The following POFUT3 variants were observed in gnomAD, a reference collection of about 807,000 sequenced individuals.
POFUT3 encodes protein O-fucosyltransferase 3, also known as GDP-fucose protein O-fucosyltransferase 3.
At chr8:33,379,834 T>TCTAC in the POFUT3 span, among the ~76,000 whole-genome samples, 1 of 71,076 alleles carries the variant, frequency 1.4e-5, no homozygotes, top group Non-Finnish European at 2.4e-5. Context: ...AGACTCTGTC[T>TCTAC]AAAAAAAAAA....
chr8:33,310,486 A>C, the POFUT3 span, among the ~76,000 whole-genome samples: 1 of 151,972 alleles, frequency 6.6e-6, no homozygotes, highest in African/African-American at 2.4e-5. Context: ...AAGGCAGGCA[A>C]ATTCCTTGAG....
At chr8:33,442,352 A>C in the POFUT3 span, among the ~76,000 whole-genome samples, 3 of 149,796 alleles carry the variant, frequency 2.0e-5, no homozygotes, top group Non-Finnish European at 4.4e-5. Context: ...CAGTGGTGCG[A>C]TCTTAGCTCA....
the POFUT3 span, chr8:33,452,355 T>G: frequency 2.0e-5 from 3 of 152,160 alleles, no homozygotes; most frequent in African/African-American, 7.2e-5. Flanking sequence ...CCACTGAATT[T>G]CTATATTACA....
the POFUT3 span, among the ~76,000 whole-genome samples, chr8:33,462,758 T>C: frequency 1.3e-5 from 2 of 151,910 alleles, no homozygotes; most frequent in African/African-American, 4.8e-5. Flanking sequence ...AGTGAAACCC[T>C]GTCTGCATAG....
chr8:33,336,706 T>C, the POFUT3 span, among the ~76,000 whole-genome samples: 1 of 152,170 alleles, frequency 6.6e-6, no homozygotes, highest in Non-Finnish European at 1.5e-5. Flanking sequence ...GATGAAGTCA[T>C]GGAATTGCAG....
chr8:33,418,275 A>G, the POFUT3 span, among the ~76,000 whole-genome samples: 105,612 of 152,010 alleles, frequency 0.69, 36,953 homozygotes, highest in African/African-American at 0.74. Flanking sequence ...CACAGCCTCC[A>G]CGCACTTTCA....
the POFUT3 span, among the ~76,000 whole-genome samples, chr8:33,471,452 A>G: frequency 2.6e-5 from 4 of 152,050 alleles, no homozygotes; most frequent in African/African-American, 7.2e-5. Flanking sequence ...GGGTTTCACC[A>G]TATTGGCCAG....
the POFUT3 span, among the ~76,000 whole-genome samples, chr8:33,331,202 C>CCTGGTG: frequency 0.28 from 42,685 of 151,570 alleles, 6,578 homozygotes; most frequent in South Asian, 0.5. Flanking sequence ...ATTAACCGGG[C>CCTGGTG]GCGCGCCTGT....
chr8:33,372,061 T>G, the POFUT3 span: 1 of 718,860 alleles, frequency 1.4e-6, no homozygotes, highest in Non-Finnish European at 1.7e-6. Flanking sequence ...TCTTTTCACT[T>G]GAAGAGTGGA....
chr8:33,428,615 G>A, the POFUT3 span, among the ~76,000 whole-genome samples: 1 of 151,858 alleles, frequency 6.6e-6, no homozygotes, highest in Non-Finnish European at 1.5e-5. Context: ...GTTTGAACGT[G>A]TCTCCCAAAA....
At chr8:33,338,481 G>T in the POFUT3 span, among the ~76,000 whole-genome samples, 1 of 152,154 alleles carries the variant, frequency 6.6e-6, no homozygotes, top group African/African-American at 2.4e-5. Context: ...CTAGTAACAA[G>T]ATCCCCCCTC....
the POFUT3 span, among the ~76,000 whole-genome samples, chr8:33,458,077 G>T: frequency 6.6e-6 from 1 of 152,110 alleles, no homozygotes; most frequent in Non-Finnish European, 1.5e-5. Context: ...GTTAAAACGG[G>T]TGGGCCCTAA....
chr8:33,399,746 T>C, the POFUT3 span, among the ~76,000 whole-genome samples: 4 of 151,902 alleles, frequency 2.6e-5, no homozygotes, highest in Non-Finnish European at 5.9e-5. Flanking sequence ...CCTCCCCTAC[T>C]GGGTTCAAGC....
the POFUT3 span, among the ~76,000 whole-genome samples, chr8:33,467,206 G>C: frequency 6.7e-6 from 1 of 150,304 alleles, no homozygotes; most frequent in Admixed American, 6.6e-5. Flanking sequence ...CCGGGAGGTG[G>C]AGGTTGCAGT....
At chr8:33,327,593 A>G in the POFUT3 span, among the ~76,000 whole-genome samples, 1 of 152,154 alleles carries the variant, frequency 6.6e-6, no homozygotes, top group Non-Finnish European at 1.5e-5. Flanking sequence ...TCATTTATCC[A>G]AGGGCACCCA....
chr8:33,379,170 G>A, the POFUT3 span, among the ~76,000 whole-genome samples: 1 of 151,948 alleles, frequency 6.6e-6, no homozygotes, highest in African/African-American at 2.4e-5. Context: ...AGTTTCCCAA[G>A]ACCTCCCTCG....
the POFUT3 span, among the ~76,000 whole-genome samples, chr8:33,460,114 G>A: frequency 1.4e-4 from 22 of 152,028 alleles, no homozygotes; most frequent in South Asian, 6.2e-4. Flanking sequence ...GCTTGAACCG[G>A]GGAGGCAGAG....
the POFUT3 span, chr8:33,372,839 A>C: frequency 1.3e-6 from 2 of 1,588,888 alleles, no homozygotes; most frequent in Non-Finnish European, 1.7e-6. Flanking sequence ...AATTAAAAAC[A>C]TATGATAATG....
the POFUT3 span, among the ~76,000 whole-genome samples, chr8:33,383,981 T>C: frequency 6.6e-6 from 1 of 151,104 alleles, no homozygotes; most frequent in Admixed American, 6.6e-5. Flanking sequence ...TGGTAGATGG[T>C]AGGGGACTAC....
Sources: allele counts gnomAD v4.1 joint callset (sites outside exome capture counted in the v4.1 genomes callset), GRCh38; gene constraint gnomAD v4.1.1; transcripts MANE v1.5; gene names NCBI Gene and HGNC (gene_info 2026-07-23, HGNC 2026-07-21).